Variants in STK33 observed in about 807,000 individuals in gnomAD.
STK33 encodes the protein serine/threonine kinase 33.
Under a neutral mutation model 58.0 loss-of-function variants are expected in STK33, and 52 were observed. The ratio of observed to expected loss-of-function variants is 0.90; its 90% confidence interval spans 0.72 to 1.13. STK33 has a LOEUF of 1.13. STK33 is among the 50% of genes most tolerant of loss of function. The probability of loss-of-function intolerance (pLI) is 0.00; values close to 1 mark genes in which losing one functional copy is unlikely to be tolerated. For missense variants in STK33, 630 were observed against 604.2 expected, an observed-to-expected ratio of 1.04 and a Z score of -0.45; for synonymous variants, 215 against 200.1, an observed-to-expected ratio of 1.07 and a Z score of -0.63.
intron 1 of STK33, among the ~76,000 whole-genome samples, chr11:8,490,377 C>G (rs1315944811): frequency 6.6e-6 from 1 of 152,168 alleles, no homozygotes; most frequent in East Asian, 1.9e-4. Context: ...GGGCGTCCAC[C>G]ATTGCTGAGG....
At chr11:8,551,910 G>GCATA (rs1227983344) in intron 1 of STK33, among the ~76,000 whole-genome samples, 2 of 152,152 alleles carry the variant, frequency 1.3e-5, no homozygotes, top group African/African-American at 4.8e-5. Flanking sequence ...GCAGCACTAT[G>GCATA]GCACTGGCCT....
At chr11:8,385,964 CA>C in the STK33 span, among the ~76,000 whole-genome samples, 1 of 151,644 alleles carries the variant, frequency 6.6e-6, no homozygotes, top group Admixed American at 6.6e-5. Context: ...TTAGTAGAGA[CA>C]GGGTTTCACC....
At chr11:8,536,032 T>C (rs1455025184) in intron 1 of STK33, among the ~76,000 whole-genome samples, 4 of 152,102 alleles carry the variant, frequency 2.6e-5, no homozygotes, top group Non-Finnish European at 5.9e-5. Context: ...CTCACTTACA[T>C]GTGGGGGCTA....
intron 7 of STK33, 137 bp downstream of exon 7, chr11:8,464,569 GCCA>G: frequency 4.2e-6 from 2 of 478,744 alleles, no homozygotes; most frequent in Non-Finnish European, 7.3e-6. Flanking sequence ...CTAGAGAAAT[GCCA>G]CGCTTCTCTG....
chr11:8,577,803 C>T (rs1315084320), intron 1 of STK33, among the ~76,000 whole-genome samples: 1 of 152,084 alleles, frequency 6.6e-6, no homozygotes, highest in African/African-American at 2.4e-5. Flanking sequence ...TCAATTTATA[C>T]ATAAATATTT....
chr11:8,486,077 A>G (rs559800746), intron 1 of STK33, among the ~76,000 whole-genome samples: 44 of 152,292 alleles, frequency 2.9e-4, no homozygotes, highest in African/African-American at 1.0e-3. Flanking sequence ...TTACTGCAAG[A>G]GTTTCCTAAC....
chr11:8,566,371 G>T (rs1021794111), intron 1 of STK33, among the ~76,000 whole-genome samples: 4 of 152,108 alleles, frequency 2.6e-5, no homozygotes, highest in African/African-American at 9.7e-5. Context: ...ATATCTCTTA[G>T]TAAACACTCA....
At chr11:8,437,435 T>A (rs1944214311) in intron 12 of STK33, among the ~76,000 whole-genome samples, 1 of 152,218 alleles carries the variant, frequency 6.6e-6, no homozygotes, top group Non-Finnish European at 1.5e-5. Context: ...AACAACCAGA[T>A]TTGTCCAATG....
chr11:8,470,843 G>A (rs537350483), intron 6 of STK33, among the ~76,000 whole-genome samples: 33 of 152,154 alleles, frequency 2.2e-4, no homozygotes, highest in African/African-American at 8.0e-4. Flanking sequence ...CCCCAAACAA[G>A]TACAATAGTA....
intron 14 of STK33, among the ~76,000 whole-genome samples, chr11:8,427,665 G>T (rs1216759752): frequency 6.6e-6 from 1 of 151,908 alleles, no homozygotes; most frequent in Non-Finnish European, 1.5e-5. Context: ...GCTCCCTTCT[G>T]TATAAAGTTC....
intron 14 of STK33, among the ~76,000 whole-genome samples, chr11:8,420,503 T>C (rs1941759167): frequency 6.6e-6 from 1 of 152,368 alleles, no homozygotes; most frequent in Middle Eastern, 3.4e-3. Context: ...CTGAGCCTTC[T>C]ACTCAGTGTA....
At chr11:8,454,148 A>C (rs1322170614) in intron 10 of STK33, among the ~76,000 whole-genome samples, 3 of 152,242 alleles carry the variant, frequency 2.0e-5, no homozygotes, top group Non-Finnish European at 4.4e-5. Flanking sequence ...CTTCTGCAAC[A>C]GAGTGAGTTA....
intron 1 of STK33, among the ~76,000 whole-genome samples, chr11:8,559,558 G>A (rs1956985928): frequency 6.6e-6 from 1 of 152,122 alleles, no homozygotes; most frequent in African/African-American, 2.4e-5. Context: ...AATCTTTGTT[G>A]AACAAACATT....
At chr11:8,527,062 C>G (rs997123068) in intron 1 of STK33, among the ~76,000 whole-genome samples, 1 of 151,422 alleles carries the variant, frequency 6.6e-6, no homozygotes, top group East Asian at 1.9e-4. Flanking sequence ...AACTCCGCCT[C>G]CGGGGTTCAT....
chr11:8,412,128 G>A (rs1290294907), intron 15 of STK33, among the ~76,000 whole-genome samples: 1 of 152,166 alleles, frequency 6.6e-6, no homozygotes, highest in African/African-American at 2.4e-5. Flanking sequence ...ATGTATGTAT[G>A]TGTAAGAATA....
chr11:8,523,443 C>T (rs867745092), intron 1 of STK33, among the ~76,000 whole-genome samples: 33 of 151,588 alleles, frequency 2.2e-4, no homozygotes, highest in African/African-American at 6.8e-4. Context: ...TCTGCCCGGC[C>T]GCCCCGTCTG....
At chr11:8,364,790 G>T in the STK33 span, among the ~76,000 whole-genome samples, 2 of 152,164 alleles carry the variant, frequency 1.3e-5, no homozygotes. Flanking sequence ...CCCTTCTTCT[G>T]TTGATGGACG....
intron 14 of STK33, among the ~76,000 whole-genome samples, chr11:8,419,950 T>C (rs980588066): frequency 6.6e-6 from 1 of 152,130 alleles, no homozygotes; most frequent in Non-Finnish European, 1.5e-5. Context: ...ATGGATAATC[T>C]CAATTATTAC....
chr11:8,416,316 G>A (rs1941119562), intron 14 of STK33, among the ~76,000 whole-genome samples: 1 of 152,050 alleles, frequency 6.6e-6, no homozygotes, highest in African/African-American at 2.4e-5. Context: ...TAAGAAGAAG[G>A]TAAGCACTAT....
Sources: allele counts gnomAD v4.1 joint callset (sites outside exome capture counted in the v4.1 genomes callset), GRCh38; gene constraint gnomAD v4.1.1; transcripts MANE v1.5; gene names NCBI Gene and HGNC (gene_info 2026-07-23, HGNC 2026-07-21).